DOK6: variants seen among roughly 807,000 people sequenced by gnomAD.
DOK6 encodes the protein docking protein 6.
In DOK6, 22 loss-of-function variants were observed where a neutral mutation model predicts 44.0. The ratio of observed to expected loss-of-function variants is 0.50; its 90% confidence interval spans 0.36 to 0.71. The LOEUF is 0.71. Ranked by LOEUF, DOK6 falls within the 30% of genes least tolerant of loss-of-function variation. DOK6 has a pLI of 0.00. For synonymous variants in DOK6, 166 were observed against 145.5 expected, an observed-to-expected ratio of 1.14 and a Z score of -1.01; for missense variants, 340 against 416.4, an observed-to-expected ratio of 0.82 and a Z score of 1.60.
intron 7 of DOK6, chr18:69,781,565 T>C (rs1257149259): frequency 2.0e-5 from 3 of 152,210 alleles, no homozygotes; most frequent in Non-Finnish European, 4.4e-5. Flanking sequence ...AAAAGTACTC[T>C]ATTACTAACC....
At chr18:69,701,625 C>T (rs1986522936) in intron 5 of DOK6, among the ~76,000 whole-genome samples, 1 of 152,070 alleles carries the variant, frequency 6.6e-6, no homozygotes, top group Non-Finnish European at 1.5e-5. Context: ...AATTATTTTT[C>T]AAAAACTAAG....
chr18:69,620,361 T>C (rs1984412097), intron 3 of DOK6, among the ~76,000 whole-genome samples: 2 of 152,196 alleles, frequency 1.3e-5, no homozygotes, highest in Non-Finnish European at 2.9e-5. Context: ...CATTTCACAA[T>C]TACACAAGGC....
chr18:69,456,524 T>TA (rs1979639022), intron 1 of DOK6, among the ~76,000 whole-genome samples: 2 of 152,148 alleles, frequency 1.3e-5, no homozygotes, highest in African/African-American at 2.4e-5. Flanking sequence ...TGTATATGTA[T>TA]CATATTTTCT....
chr18:69,478,958 T>G (rs939785191), intron 1 of DOK6, among the ~76,000 whole-genome samples: 1 of 152,214 alleles, frequency 6.6e-6, no homozygotes, highest in Non-Finnish European at 1.5e-5. Flanking sequence ...AGATTTCAAT[T>G]AACATAAATT....
At chr18:69,776,448 T>G (rs1980067961) in intron 7 of DOK6, among the ~76,000 whole-genome samples, 1 of 152,050 alleles carries the variant, frequency 6.6e-6, no homozygotes, top group Non-Finnish European at 1.5e-5. Flanking sequence ...TATTACATAT[T>G]GGAACTACAC....
At chr18:69,793,044 A>G (rs1980644629) in intron 7 of DOK6, among the ~76,000 whole-genome samples, 1 of 152,088 alleles carries the variant, frequency 6.6e-6, no homozygotes, top group Admixed American at 6.6e-5. Context: ...AGAAACAATT[A>G]TTTGCAGCAG....
chr18:69,562,612 A>T (rs533081493), intron 1 of DOK6, among the ~76,000 whole-genome samples: 127 of 152,334 alleles, frequency 8.3e-4, no homozygotes, highest in Middle Eastern at 3.4e-3. Context: ...GAAAGCTGAA[A>T]CTGGATCCCT....
chr18:69,612,918 G>T (rs1219886239), intron 3 of DOK6, among the ~76,000 whole-genome samples: 2 of 145,768 alleles, frequency 1.4e-5, no homozygotes, highest in African/African-American at 2.5e-5. Context: ...GTCTTGCTCT[G>T]TTGCCCAGGC....
chr18:69,814,546 C>T (rs1041219671), intron 7 of DOK6, among the ~76,000 whole-genome samples: 1 of 152,140 alleles, frequency 6.6e-6, no homozygotes, highest in Non-Finnish European at 1.5e-5. Context: ...CTATAAAGAA[C>T]TATCCGAGAC....
chr18:69,612,399 T>TTGTGTGCGAAGGCGCA (rs1984164921), intron 3 of DOK6, among the ~76,000 whole-genome samples: 1 of 62,414 alleles, frequency 1.6e-5, no homozygotes, highest in African/African-American at 5.9e-5. Context: ...CGAAGAGACT[T>TTGTGTGCGAAGGCGCA]TGTGTGCGAG....
At chr18:69,555,073 T>C (rs1982655116) in intron 1 of DOK6, among the ~76,000 whole-genome samples, 1 of 152,202 alleles carries the variant, frequency 6.6e-6, no homozygotes, top group Admixed American at 6.5e-5. Flanking sequence ...CCTTGGTTTT[T>C]GATTCTCTGA....
At chr18:69,732,021 C>T (rs937889290) in intron 5 of DOK6, among the ~76,000 whole-genome samples, 4 of 152,084 alleles carry the variant, frequency 2.6e-5, no homozygotes, top group East Asian at 1.9e-4. Context: ...TTTTATCTAC[C>T]CCATTTGGAA....
intron 1 of DOK6, among the ~76,000 whole-genome samples, chr18:69,487,016 TTG>T (rs1980595152): frequency 6.6e-6 from 1 of 151,900 alleles, no homozygotes; most frequent in African/African-American, 2.4e-5. Flanking sequence ...CACTTTAGGG[TTG>T]TAAGTTTCCC....
At chr18:69,831,286 T>C (rs916382395) in intron 7 of DOK6, 1 of 152,196 alleles carries the variant, frequency 6.6e-6, no homozygotes, top group African/African-American at 2.4e-5. Flanking sequence ...TCTATCCAAA[T>C]GGACTGGATG....
intron 3 of DOK6, among the ~76,000 whole-genome samples, chr18:69,634,251 T>C (rs1034168222): frequency 3.3e-5 from 5 of 152,158 alleles, no homozygotes; most frequent in African/African-American, 1.2e-4. Flanking sequence ...TAATAATACC[T>C]CTTCACTTAC....
chr18:69,828,431 G>A (rs1256177070), intron 7 of DOK6, among the ~76,000 whole-genome samples: 3 of 151,716 alleles, frequency 2.0e-5, no homozygotes, highest in Non-Finnish European at 4.4e-5. Flanking sequence ...CAAAGAGATC[G>A]CAGTTGTAGA....
At chr18:69,504,594 T>C (rs986596965) in intron 1 of DOK6, among the ~76,000 whole-genome samples, 1 of 152,122 alleles carries the variant, frequency 6.6e-6, no homozygotes, top group African/African-American at 2.4e-5. Context: ...TGATGAGCAA[T>C]ATTCAAATAT....
chr18:69,650,270 G>C (rs1985189697), intron 3 of DOK6, among the ~76,000 whole-genome samples: 1 of 152,140 alleles, frequency 6.6e-6, no homozygotes, highest in Admixed American at 6.6e-5. Flanking sequence ...TCTGTGGGTT[G>C]AAGACTTTAT....
At chr18:69,513,913 A>C (rs1240774961) in intron 1 of DOK6, among the ~76,000 whole-genome samples, 1 of 152,190 alleles carries the variant, frequency 6.6e-6, no homozygotes, top group East Asian at 1.9e-4. Context: ...TGTCAGATTA[A>C]AATTTAATAA....
Sources: gnomAD v4.1 joint callset for allele counts (sites outside exome capture counted in the v4.1 genomes callset) on GRCh38, gnomAD v4.1.1 for gene constraint, MANE v1.5 for transcripts, NCBI Gene and HGNC (gene_info 2026-07-23, HGNC 2026-07-21) for gene names.